LARP4B: variants seen among roughly 807,000 people sequenced by gnomAD.
LARP4B encodes the protein la-related protein 4B.
LARP4B carries 12 observed loss-of-function variants against 89.8 expected under a neutral mutation model. The observed-to-expected ratio is 0.13, with a 90% CI of 0.09 to 0.22. The LOEUF is 0.22. LARP4B is among the 10% of genes least tolerant of loss of function. The pLI is 1.00. For synonymous variants in LARP4B, 367 were observed against 363.3 expected (o/e 1.01, Z -0.12); for missense variants, 757 against 947.7 (o/e 0.80, Z 2.64).
At chr10:834,434 G>A (rs1340329355) in intron 8 of LARP4B, among the ~76,000 whole-genome samples, 1 of 152,148 alleles carries the variant, frequency 6.6e-6, no homozygotes, top group Non-Finnish European at 1.5e-5. Flanking sequence ...TATTTAAAAT[G>A]TACTAATCAC....
At chr10:906,257 T>C (rs1836490995) in intron 1 of LARP4B, among the ~76,000 whole-genome samples, 1 of 152,254 alleles carries the variant, frequency 6.6e-6, no homozygotes, top group Admixed American at 6.5e-5. Context: ...CTTATTTTCA[T>C]ATCTAATTCA....
chr10:922,073 G>C (rs1836994682), intron 1 of LARP4B, among the ~76,000 whole-genome samples: 1 of 152,152 alleles, frequency 6.6e-6, no homozygotes, highest in African/African-American at 2.4e-5. Flanking sequence ...AGACAGAGCG[G>C]AGGGGTCAGG....
chr10:873,096 T>C, intron 3 of LARP4B: 1 of 985,360 alleles, frequency 1.0e-6, no homozygotes, highest in Admixed American at 6.1e-5. Flanking sequence ...AGGCCAGTTT[T>C]TTCACTGTCA....
At chr10:923,406 C>T (rs1837042289) in intron 1 of LARP4B, among the ~76,000 whole-genome samples, 1 of 151,978 alleles carries the variant, frequency 6.6e-6, no homozygotes, top group Non-Finnish European at 1.5e-5. Flanking sequence ...GATTTACTGA[C>T]CCCTCCTCCA....
chr10:981,072 T>C, the LARP4B span, among the ~76,000 whole-genome samples: 1 of 152,360 alleles, frequency 6.6e-6, no homozygotes, highest in African/African-American at 2.4e-5. Context: ...AGCATCACTT[T>C]TTAGTTCAAA....
chr10:844,456 G>C (rs1255811088), intron 6 of LARP4B, among the ~76,000 whole-genome samples: 1 of 152,104 alleles, frequency 6.6e-6, no homozygotes, highest in Admixed American at 6.5e-5. Context: ...AATCATCATC[G>C]ACAGAAAACC....
chr10:809,423 C>G (rs1831659632), downstream of LARP4B: 1 of 152,162 alleles, frequency 6.6e-6, no homozygotes, highest in Non-Finnish European at 1.5e-5. Context: ...GCTTTAGGAT[C>G]CAATCATATA....
intron 8 of LARP4B, among the ~76,000 whole-genome samples, chr10:833,285 C>CAAAAA (rs1833021443): frequency 2.0e-5 from 1 of 49,000 alleles, no homozygotes; most frequent in Non-Finnish European, 4.2e-5. Flanking sequence ...AAAAAAAAAA[C>CAAAAA]CTCAAAATGT....
chr10:938,395 T>C, the LARP4B span, among the ~76,000 whole-genome samples: 4 of 151,830 alleles, frequency 2.6e-5, no homozygotes, highest in Admixed American at 6.6e-5. Context: ...GGACTACAGG[T>C]GCCCAACACC....
the LARP4B span, among the ~76,000 whole-genome samples, chr10:946,390 A>C: frequency 6.6e-6 from 1 of 152,178 alleles, no homozygotes; most frequent in African/African-American, 2.4e-5. Context: ...AAATACAAAG[A>C]TTCTTAAATT....
the LARP4B span, among the ~76,000 whole-genome samples, chr10:947,944 A>G: frequency 2.0e-5 from 3 of 152,134 alleles, no homozygotes. Flanking sequence ...TTTTAAATTA[A>G]CAAATCAAAC....
At chr10:816,464 G>T (rs1056349588) in intron 15 of LARP4B, among the ~76,000 whole-genome samples, 1 of 152,200 alleles carries the variant, frequency 6.6e-6, no homozygotes, top group Non-Finnish European at 1.5e-5. Flanking sequence ...CTACACCTGG[G>T]TGGTGGCATA....
At chr10:923,757 A>G (rs1038336550) in intron 1 of LARP4B, among the ~76,000 whole-genome samples, 8 of 152,216 alleles carry the variant, frequency 5.3e-5, no homozygotes, top group African/African-American at 1.9e-4. Context: ...TCTATACCAA[A>G]TTGATCACTA....
intron 3 of LARP4B, among the ~76,000 whole-genome samples, chr10:881,334 T>G (rs1385714908): frequency 1.3e-5 from 2 of 152,214 alleles, no homozygotes. Flanking sequence ...GTCTAAGTTG[T>G]GTCTACCACT....
At chr10:951,076 T>C in the LARP4B span, among the ~76,000 whole-genome samples, 1 of 152,074 alleles carries the variant, frequency 6.6e-6, no homozygotes, top group African/African-American at 2.4e-5. Flanking sequence ...TTTGCCTTAT[T>C]GCAATAGCTA....
intron 3 of LARP4B, 58 bp downstream of exon 3, chr10:884,389 T>A: frequency 8.9e-7 from 1 of 1,120,444 alleles, no homozygotes. Context: ...CTTAAGGAAG[T>A]ATCTCTGAGC....
At chr10:959,409 A>ATCAATCCACCTCCCCG in the LARP4B span, among the ~76,000 whole-genome samples, 2 of 46,294 alleles carry the variant, frequency 4.3e-5, no homozygotes, top group African/African-American at 9.1e-5. Context: ...CCACCTCCCC[A>ATCAATCCACCTCCCCG]TCAATCCACC....
chr10:937,489 AT>A, the LARP4B span, among the ~76,000 whole-genome samples: 1 of 152,200 alleles, frequency 6.6e-6, no homozygotes, highest in African/African-American at 2.4e-5. Context: ...TTGCTTATTA[AT>A]TTCAAAGGGA....
chr10:959,933 T>C, the LARP4B span, among the ~76,000 whole-genome samples: 18 of 133,370 alleles, frequency 1.3e-4, no homozygotes, highest in African/African-American at 3.2e-4. Context: ...TCCCACCTCC[T>C]CGTCAATCCC....
Sources: allele counts gnomAD v4.1 joint callset (sites outside exome capture counted in the v4.1 genomes callset), GRCh38; gene constraint gnomAD v4.1.1; transcripts MANE v1.5; gene names NCBI Gene and HGNC (gene_info 2026-07-23, HGNC 2026-07-21).